P3H4: variants seen among roughly 807,000 people sequenced by gnomAD.
P3H4 encodes prolyl 3-hydroxylase family member 4 (inactive).
Under a neutral mutation model 52.9 loss-of-function variants are expected in P3H4, and 47 were observed. The observed-to-expected ratio is 0.89, with a 90% CI of 0.70 to 1.13. The LOEUF (loss-of-function observed/expected upper bound fraction) is 1.13. Among genes scored for constraint, P3H4 ranks in the 50% most tolerant of loss-of-function variants. The pLI is 0.00. For missense variants in P3H4, 585 were observed against 611.0 expected (o/e 0.96, Z 0.45); for synonymous variants, 256 against 267.9 (o/e 0.96, Z 0.44).
intron 3 of P3H4, 124 bp downstream of exon 3, chr17:41,810,739 G>C: frequency 8.0e-7 from 1 of 1,251,530 alleles, no homozygotes; most frequent in Non-Finnish European, 1.1e-6. Context: ...TTTCTCAACA[G>C]ACAAGGCCTT....
At chr17:41,803,945 T>C (rs1480906127) in intron 6 of P3H4, among the ~76,000 whole-genome samples, 1 of 150,090 alleles carries the variant, frequency 6.7e-6, no homozygotes. Context: ...AAAGGGACCA[T>C]GACTTCCTTT....
intron 6 of P3H4, among the ~76,000 whole-genome samples, chr17:41,804,118 A>AT (rs547771407): frequency 6.1e-4 from 92 of 151,926 alleles, no homozygotes; most frequent in African/African-American, 2.1e-3. Context: ...CTCCTGGCTA[A>AT]TTTTTTGCAT....
intron 5 of P3H4, 149 bp from the exon 6 acceptor site, chr17:41,807,028 C>T (rs1316363926): frequency 3.2e-6 from 2 of 627,234 alleles, no homozygotes; most frequent in South Asian, 1.9e-5. Context: ...ATCAGATCAT[C>T]GTGGCTGCTT....
chr17:41,810,169 CTTTT>C (rs71155170), intron 3 of P3H4, among the ~76,000 whole-genome samples: 5 of 116,920 alleles, frequency 4.3e-5, no homozygotes, highest in Admixed American at 8.7e-5. Context: ...AAAGGACAGT[CTTTT>C]TTTTTTTTTT....
intron 7 of P3H4, 101 bp downstream of exon 7, chr17:41,803,186 C>G: frequency 6.6e-7 from 1 of 1,512,312 alleles, no homozygotes; most frequent in African/African-American, 1.4e-5. Context: ...GCCCCAGCAC[C>G]CACACACACC....
Position 41,803,288 on chromosome 17 carries a change from A to T in P3H4, c.1290T>A (p.Ala430=), listed in dbSNP as rs2047637455. The change falls in exon 7 of 8, where the codon GCT becomes GCA. Residue 430 remains alanine (A), a splice_region_variant and synonymous_variant. Transcript: ENST00000393928. ...EPDAKGDEAE[A]EPEPELA ...CCCCCAAGGACTCGTGTCACTGACC[A>T]GCCTCGGCCTCGTCACCCTTGGCAT... The T allele has an allele frequency of 1.2e-6, 2 of 1,612,930 alleles. No homozygotes were observed. The highest frequency in any genetic ancestry group is 2.7e-5 in the African/African-American group (2 of 74,832).
Position 41,811,770 on chromosome 17 carries a change from C to T in P3H4, c.146G>A (p.Gly49Glu), listed in dbSNP as rs782783132. The T allele has an allele frequency of 5.9e-6, 9 of 1,532,200 alleles. No homozygotes were observed. The South Asian group carries it at 1.1e-4, about 18-fold the overall frequency. The allele number at this position is 1,532,200 out of a possible 1,614,324, so 94.9% of individuals were successfully genotyped here. Residue 49 changes from glycine (G) to glutamate (E), a missense_variant, in exon 1 of 8, where the codon GGA (glycine) becomes GAA (glutamate). Gly to Glu is a moderately conservative substitution (Grantham distance 98). Transcript: ENST00000393928. The surrounding 1 kb of genome is among the most constrained non-coding windows in gnomAD (Gnocchi z 4.8). ...AYGHALEQYE[G>E]ESWRESARYL... ...GCGCGCGCTCTCGCGCCAGCTCTCTCCCTCGTACTGCTCCAGAGCGTGCCC... is the reference window on the plus strand; with the variant it reads ...GCGCGCGCTCTCGCGCCAGCTCTCTTCCTCGTACTGCTCCAGAGCGTGCCC...
intron 4 of P3H4, 124 bp downstream of exon 4, chr17:41,809,572 CCCTAGACTTT>C: frequency 9.1e-7 from 1 of 1,102,964 alleles, no homozygotes; most frequent in Non-Finnish European, 1.3e-6. Context: ...TTCCCACCAC[CCCTAGACTTT>C]CCTCCTATCA....
intron 6 of P3H4, among the ~76,000 whole-genome samples, chr17:41,803,799 C>G (rs113182935): frequency 1.8e-4 from 28 of 152,338 alleles, no homozygotes; most frequent in African/African-American, 6.3e-4. Flanking sequence ...GCACTAATCC[C>G]TCCAAAGCCA....
At chr17:41,807,831 A>G in intron 5 of P3H4, 28 bp downstream of exon 5, 1 of 1,604,450 alleles carries the variant, frequency 6.2e-7, no homozygotes, top group South Asian at 1.1e-5. Flanking sequence ...GTGCATATCC[A>G]GCAAGTGCCC....
In P3H4 at chr17:41,809,529, C is replaced by A. The variant is rs138888665; in HGVS notation, c.916+177G>T. On this transcript the variant is annotated intron_variant, in intron 4 of 7. Transcript: ENST00000393928. ...TCTGTTCTCACTCAGAAGCCTCTCACCTGCCCCAGACTCCCAGGGTGCCTT... is the reference window on the plus strand; with the variant it reads ...TCTGTTCTCACTCAGAAGCCTCTCAACTGCCCCAGACTCCCAGGGTGCCTT... Among the ~76,000 whole-genome samples the A allele has an allele frequency of 1.2e-3, 178 of 152,298 alleles. 1 individual carries two copies. The highest frequency in any genetic ancestry group is 4.2e-3 in the African/African-American group (175 of 41,544).
chr17:41,806,896 A>C lies in P3H4; in HGVS notation c.1063-17T>G. 3.1e-6 allele frequency: 5 copies of C among 1,607,384 alleles called. No homozygotes were observed. Among genetic ancestry groups the C allele is most frequent in the Non-Finnish European group, 3.4e-6 (4 of 1,175,528 alleles). ...CATGGCCTCCTGGAAGGAGGGAAGGACGGGGTGGGGGGTGAGCCATACCCT... is the reference window on the plus strand; with the variant it reads ...CATGGCCTCCTGGAAGGAGGGAAGGCCGGGGTGGGGGGTGAGCCATACCCT... On this transcript the variant is annotated splice_polypyrimidine_tract_variant and intron_variant, in intron 5 of 7. Coordinates refer to ENST00000393928, the MANE Select transcript of P3H4 (RefSeq NM_006455.3).
chr17:41,811,352 C>T lies in P3H4; in HGVS notation c.463-68G>A. 1.2e-6 allele frequency: 2 copies of T among 1,606,100 alleles called. No homozygotes were observed. Among genetic ancestry groups the T allele is most frequent in the Non-Finnish European group, 1.7e-6 (2 of 1,175,320 alleles). ...GGAGCTCGCGGCCCCGAGCGCACGGCGGGCTTCGTGCCTTGGGTGAAGATA... is the reference window on the plus strand; with the variant it reads ...GGAGCTCGCGGCCCCGAGCGCACGGTGGGCTTCGTGCCTTGGGTGAAGATA... On this transcript the variant is annotated intron_variant, in intron 1 of 7. Transcript: ENST00000393928. This position sits in a 1 kb window ranked among gnomAD's most constrained non-coding sequence, Gnocchi z 4.8.
rs1555613677 is a variant in P3H4, at chr17:41,802,714, G to GACATAAAATA, written c.*242_*243insTATTTTATGT. The GACATAAAATA allele has an allele frequency of 2.3e-6, 1 of 432,806 alleles. No homozygotes were observed. The allele number at this position is 432,806 out of a possible 1,614,324, so 26.8% of individuals were successfully genotyped here. A position where few individuals can be genotyped will look rare whatever the true frequency, so the allele number is the denominator to read the frequency against. ...TTTCAGGCGCCTGCCACCACACCCG[G>GACATAAAATA]CTAATTTATGTATTTTAGTAGAGAC... On this transcript the variant is annotated 3_prime_UTR_variant, in exon 8 of 8. Coordinates refer to ENST00000393928, the MANE Select transcript of P3H4 (RefSeq NM_006455.3).
chr17:41,807,294 C>T (rs782601596), intron 5 of P3H4: 103 of 224,326 alleles, frequency 4.6e-4, no homozygotes, highest in South Asian at 2.4e-3. Flanking sequence ...ATACCTCCCT[C>T]GTCTGGACAC....
chr17:41,803,531 G>A (rs1429524385), intron 6 of P3H4, 100 bp from the exon 7 acceptor site: 51 of 1,055,336 alleles, frequency 4.8e-5, no homozygotes, highest in South Asian at 4.8e-4. Flanking sequence ...CCCATCTCTC[G>A]GTCCCCAAAG....
chr17:41,808,622 C>G (rs1555614523), intron 4 of P3H4, among the ~76,000 whole-genome samples: 1 of 152,174 alleles, frequency 6.6e-6, no homozygotes, highest in Non-Finnish European at 1.5e-5. Flanking sequence ...CTCCTGGGCT[C>G]AAGCCATCTG....
intron 4 of P3H4, among the ~76,000 whole-genome samples, chr17:41,809,089 G>A (rs1555614572): frequency 6.6e-6 from 1 of 152,212 alleles, no homozygotes; most frequent in African/African-American, 2.4e-5. Flanking sequence ...GCTGCATGGT[G>A]TTGGTGAAAG....
chr17:41,803,276 G>C lies in P3H4; in HGVS notation c.1291+11C>G. 1.9e-6 allele frequency: 3 copies of C among 1,611,006 alleles called. No individual in the cohort carries two copies. The highest frequency in any genetic ancestry group is 2.5e-6 in the Non-Finnish European group (3 of 1,178,578). ...CTGCATCCCCACCCCCCAAGGACTC[G>C]TGTCACTGACCAGCCTCGGCCTCGT... is the stretch of plus-strand genomic sequence containing the variant. On this transcript the variant is annotated intron_variant, in intron 7 of 7. Transcript: ENST00000393928.
Sources: allele counts gnomAD v4.1 joint callset (sites outside exome capture counted in the v4.1 genomes callset), GRCh38; gene constraint gnomAD v4.1.1; non-coding constraint Gnocchi (gnomAD v3.1); transcripts MANE v1.5; gene names NCBI Gene and HGNC (gene_info 2026-07-23, HGNC 2026-07-21).